COL21A1: variants seen among roughly 807,000 people sequenced by gnomAD.
The protein encoded by COL21A1 is collagen alpha-1(XXI) chain.
COL21A1 carries 149 observed loss-of-function variants against 137.9 expected under a neutral mutation model. The ratio of observed to expected loss-of-function variants is 1.08; its 90% CI spans 0.95 to 1.24. The LOEUF (loss-of-function observed/expected upper bound fraction) is 1.24. COL21A1 is among the 50% of genes most tolerant of loss of function. COL21A1 has a pLI of 0.00. For missense variants in COL21A1, 1,167 were observed against 1,158.4 expected (o/e 1.01, Z -0.11); for synonymous variants, 456 against 391.5 (o/e 1.16, Z -1.95).
At chr6:56,111,599 C>G (rs1032842580) in intron 16 of COL21A1, among the ~76,000 whole-genome samples, 6 of 151,798 alleles carry the variant, frequency 4.0e-5, no homozygotes, top group African/African-American at 1.5e-4. Flanking sequence ...CATGGTGGCT[C>G]ATGCCTGTAA....
intron 20 of COL21A1, among the ~76,000 whole-genome samples, chr6:56,071,401 T>G (rs1249829306): frequency 6.6e-6 from 1 of 151,568 alleles, no homozygotes; most frequent in Non-Finnish European, 1.5e-5. Flanking sequence ...AAAACAAGTC[T>G]TCTGGCTAAT....
At chr6:56,227,154 C>G (rs1289306456) in intron 1 of COL21A1, among the ~76,000 whole-genome samples, 1 of 152,000 alleles carries the variant, frequency 6.6e-6, no homozygotes, top group Non-Finnish European at 1.5e-5. Context: ...AACCACAATT[C>G]TTGGCAGCTG....
chr6:56,119,124 AGG>A (rs1407055781), intron 16 of COL21A1, among the ~76,000 whole-genome samples: 1 of 152,122 alleles, frequency 6.6e-6, no homozygotes, highest in Non-Finnish European at 1.5e-5. Context: ...CAAATTGGAA[AGG>A]GAGAAGTAAA....
At chr6:56,105,850 G>A (rs1285350345) in intron 16 of COL21A1, among the ~76,000 whole-genome samples, 2 of 152,036 alleles carry the variant, frequency 1.3e-5, no homozygotes, top group African/African-American at 2.4e-5. Flanking sequence ...TTCTGTCTTT[G>A]GTTCTTTGCA....
chr6:56,095,620 C>T (rs1023889478), intron 17 of COL21A1, among the ~76,000 whole-genome samples: 1 of 152,120 alleles, frequency 6.6e-6, no homozygotes, highest in Non-Finnish European at 1.5e-5. Flanking sequence ...TTTCATGTAC[C>T]GCATGGCAGC....
chr6:56,208,384 G>A (rs1482368107), intron 1 of COL21A1, among the ~76,000 whole-genome samples: 1 of 152,022 alleles, frequency 6.6e-6, no homozygotes, highest in Non-Finnish European at 1.5e-5. Flanking sequence ...ACAAATAATA[G>A]ACAAACAGAG....
chr6:56,325,949 ATATAATATATATAATATATAT>A (rs1387455193), intron 1 of COL21A1, among the ~76,000 whole-genome samples: 301 of 13,664 alleles, frequency 0.022, 17 homozygotes, highest in African/African-American at 0.13. Flanking sequence ...ATTATATATT[ATATAATATATATAATATATAT>A]TATATATTAT....
At chr6:56,231,345 C>A (rs899513102) in intron 1 of COL21A1, among the ~76,000 whole-genome samples, 2 of 151,840 alleles carry the variant, frequency 1.3e-5, no homozygotes, top group Non-Finnish European at 2.9e-5. Flanking sequence ...ATATTCAGTT[C>A]GGTAACAGCA....
intron 1 of COL21A1, among the ~76,000 whole-genome samples, chr6:56,216,152 A>G (rs983376177): frequency 1.3e-5 from 2 of 152,048 alleles, no homozygotes; most frequent in Non-Finnish European, 1.5e-5. Context: ...GGAGCCACAT[A>G]TCAGTGGAAT....
chr6:56,326,322 T>G (rs951218913), intron 1 of COL21A1, among the ~76,000 whole-genome samples: 7 of 151,670 alleles, frequency 4.6e-5, no homozygotes, highest in Non-Finnish European at 8.8e-5. Flanking sequence ...TAAAATTTAC[T>G]ATATTAAAAA....
intron 1 of COL21A1, among the ~76,000 whole-genome samples, chr6:56,224,193 C>G (rs1403609301): frequency 6.6e-6 from 1 of 152,096 alleles, no homozygotes; most frequent in Non-Finnish European, 1.5e-5. Flanking sequence ...GGGGAAAAAG[C>G]AACCAATGCA....
At chr6:56,084,472 G>A (rs1259945325) in intron 17 of COL21A1, among the ~76,000 whole-genome samples, 1 of 151,824 alleles carries the variant, frequency 6.6e-6, no homozygotes, top group African/African-American at 2.4e-5. Flanking sequence ...GAATGGGAAT[G>A]GAATTTGGGT....
intron 1 of COL21A1, among the ~76,000 whole-genome samples, chr6:56,363,029 A>G (rs1288024381): frequency 6.6e-6 from 1 of 152,136 alleles, no homozygotes; most frequent in East Asian, 1.9e-4. Context: ...CAGAAGAGAC[A>G]ATCAGTAACT....
At chr6:56,336,215 G>A (rs576464495) in intron 1 of COL21A1, among the ~76,000 whole-genome samples, 169 of 152,252 alleles carry the variant, frequency 1.1e-3, no homozygotes, top group African/African-American at 3.9e-3. Context: ...CTGGGGCTGG[G>A]GCACAGCTAT....
intron 1 of COL21A1, among the ~76,000 whole-genome samples, chr6:56,370,426 C>T (rs569833211): frequency 7.9e-5 from 12 of 152,326 alleles, no homozygotes; most frequent in African/African-American, 2.9e-4. Context: ...GACACACCAG[C>T]TAAATACAGG....
chr6:56,327,592 A>C (rs1369565659), intron 1 of COL21A1, among the ~76,000 whole-genome samples: 1 of 152,068 alleles, frequency 6.6e-6, no homozygotes, highest in East Asian at 1.9e-4. Flanking sequence ...CAGAAGCCCC[A>C]GGTAGAGGAG....
intron 1 of COL21A1, among the ~76,000 whole-genome samples, chr6:56,206,910 G>A (rs1231875137): frequency 6.6e-6 from 1 of 151,714 alleles, no homozygotes; most frequent in Non-Finnish European, 1.5e-5. Flanking sequence ...CAACTACTTG[G>A]AAACTGAACA....
intron 10 of COL21A1, among the ~76,000 whole-genome samples, chr6:56,147,838 T>G (rs1774955389): frequency 6.6e-6 from 1 of 152,202 alleles, no homozygotes; most frequent in African/African-American, 2.4e-5. Context: ...CTTGTTTTAC[T>G]AACCATTCAA....
At chr6:56,282,025 A>G (rs977677804) in intron 1 of COL21A1, among the ~76,000 whole-genome samples, 2 of 152,174 alleles carry the variant, frequency 1.3e-5, no homozygotes, top group Admixed American at 6.5e-5. Context: ...TAGAATTGCT[A>G]TTTTCTATGT....
Sources: gnomAD v4.1 joint callset for allele counts (sites outside exome capture counted in the v4.1 genomes callset) on GRCh38, gnomAD v4.1.1 for gene constraint, MANE v1.5 for transcripts, NCBI Gene and HGNC (gene_info 2026-07-23, HGNC 2026-07-21) for gene names.